The following PCDHGB1 variants were observed in gnomAD, a reference collection of about 807,000 sequenced individuals.
PCDHGB1 encodes protocadherin gamma-B1.
A neutral mutation model predicts 56.6 loss-of-function variants in PCDHGB1; 34 were observed. That is an observed-to-expected ratio of 0.60 (90% confidence interval 0.46 to 0.80). The LOEUF (loss-of-function observed/expected upper bound fraction) is 0.80, where lower values mean the gene tolerates loss of function less well. PCDHGB1 is among the 30% of genes least tolerant of loss of function. The probability of loss-of-function intolerance (pLI) is 0.00; values close to 1 mark genes in which losing one functional copy is unlikely to be tolerated. For synonymous variants in PCDHGB1, 561 were observed against 505.9 expected, an observed-to-expected ratio of 1.11 and a Z score of -1.46; for missense variants, 1,278 against 1,204.6, an observed-to-expected ratio of 1.06 and a Z score of -0.90.
intron 1 of PCDHGB1, chr5:141,388,506 T>C: frequency 6.2e-7 from 1 of 1,613,870 alleles, no homozygotes; most frequent in Non-Finnish European, 8.5e-7. Flanking sequence ...GCAGAAATCC[T>C]ACCACTTGAC....
intron 1 of PCDHGB1, among the ~76,000 whole-genome samples, chr5:141,467,695 T>C (rs1189395935): frequency 6.6e-6 from 1 of 152,142 alleles, no homozygotes; most frequent in Non-Finnish European, 1.5e-5. Flanking sequence ...AGGGTCTGGC[T>C]CTGTTGCCCA....
chr5:141,399,414 C>T, intron 1 of PCDHGB1: 1 of 1,614,034 alleles, frequency 6.2e-7, no homozygotes, highest in East Asian at 2.2e-5. Flanking sequence ...CGCCCCTCTC[C>T]TCCAGCATAA....
intron 1 of PCDHGB1, chr5:141,478,778 C>A: frequency 6.7e-7 from 1 of 1,488,178 alleles, no homozygotes; most frequent in Non-Finnish European, 8.9e-7. Flanking sequence ...ATCTGTGGAC[C>A]TAATTCACAT....
intron 1 of PCDHGB1, among the ~76,000 whole-genome samples, chr5:141,474,266 G>A (rs1420620306): frequency 6.6e-6 from 1 of 152,186 alleles, no homozygotes; most frequent in Non-Finnish European, 1.5e-5. Context: ...ATAAACCAGT[G>A]TATCTCTGAA....
At chr5:141,366,773 G>A (rs1474826624) in intron 1 of PCDHGB1, 3 of 1,595,414 alleles carry the variant, frequency 1.9e-6, no homozygotes, top group Non-Finnish European at 2.6e-6. Context: ...CTTTCGGTAA[G>A]GATGACCAGA....
chr5:141,385,708 A>C (rs1342579594), intron 1 of PCDHGB1: 1 of 259,588 alleles, frequency 3.9e-6, no homozygotes, highest in Non-Finnish European at 6.2e-6. Context: ...TTAGCATTCA[A>C]ATATGTAAAA....
At chr5:141,428,034 T>A (rs768728101) in intron 1 of PCDHGB1, 8 of 1,607,778 alleles carry the variant, frequency 5.0e-6, no homozygotes, top group Middle Eastern at 1.7e-4. Context: ...AGAGTCCGGC[T>A]ACCTGGTGAC....
chr5:141,497,793 G>A (rs2099779480), intron 2 of PCDHGB1, among the ~76,000 whole-genome samples: 1 of 152,180 alleles, frequency 6.6e-6, no homozygotes, highest in Admixed American at 6.5e-5. Flanking sequence ...ACCTGCTTCA[G>A]CTTCCCAAAG....
chr5:141,431,318 G>C lies in PCDHGB1; in HGVS notation c.2410-63489G>C. 1 of 1,614,086 alleles carries C rather than the reference G, an allele frequency of 6.2e-7. No homozygotes were observed. Among genetic ancestry groups the C allele is most frequent in the African/African-American group, 1.3e-5 (1 of 75,050 alleles). On this transcript the variant is annotated intron_variant, in intron 1 of 3. Transcript: ENST00000523390. The surrounding 1 kb of genome is among the most constrained non-coding windows in gnomAD (Gnocchi z 4.8). ...CTCCCTCATCGTGCAAAATGGAGCC[G>C]ACGGTAGTAAGTACCCCGAATTGGT...
intron 1 of PCDHGB1, chr5:141,393,269 T>C (rs1481759237): frequency 1.2e-6 from 2 of 1,613,832 alleles, no homozygotes; most frequent in Non-Finnish European, 1.7e-6. Flanking sequence ...GAGCACGTTA[T>C]CCACTCCCAG....
intron 1 of PCDHGB1, chr5:141,366,176 C>G (rs1764373617): frequency 1.2e-6 from 2 of 1,613,926 alleles, no homozygotes; most frequent in Admixed American, 3.3e-5. Flanking sequence ...CGAGCCAGGA[C>G]TCTTTGCGGT....
At chr5:141,404,408 A>G in intron 1 of PCDHGB1, 1 of 1,613,900 alleles carries the variant, frequency 6.2e-7, no homozygotes, top group Non-Finnish European at 8.5e-7. Flanking sequence ...TGAGAATTCT[A>G]GAGTTATTTA....
Position 141,510,990 on chromosome 5 carries a change from C to T in PCDHGB1, c.2601C>T (p.Thr867=). ...GSSTLGGGAG[T]MGLSARYGPQ... ...CCACCCTGGGAGGGGGTGCCGGCAC[C>T]ATGGGATTGAGCGCCCGCTACGGAC... The change falls in exon 4 of 4, where the codon ACC becomes ACT. Residue 867 remains threonine, a synonymous_variant. Transcript: ENST00000523390. The T allele has an allele frequency of 2.5e-6, 4 of 1,614,166 alleles. No homozygotes were observed. Among genetic ancestry groups the T allele is most frequent in the Non-Finnish European group, 3.4e-6 (4 of 1,180,014 alleles).
intron 1 of PCDHGB1, chr5:141,398,327 G>C (rs1348307728): frequency 7.4e-7 from 1 of 1,353,452 alleles, no homozygotes; most frequent in Non-Finnish European, 1.0e-6. Flanking sequence ...CGAAAACTGC[G>C]CGTCAGTTCG....
chr5:141,381,826 C>CTTCTTTTTTTTT (rs1777532522), intron 1 of PCDHGB1, among the ~76,000 whole-genome samples: 2 of 74,284 alleles, frequency 2.7e-5, no homozygotes, highest in African/African-American at 1.2e-4. Flanking sequence ...CTTTCTTCTT[C>CTTCTTTTTTTTT]TTTTTTTTTT....
chr5:141,431,405 G>A lies in PCDHGB1; in HGVS notation c.2410-63402G>A, dbSNP rs2097369508. Reference sequence around the variant, plus strand: ...TCACCACCTGGTCCTTACGGCCTCCGACGGGGGCGACCCGGTGCGCACAGG... The same window carrying A: ...TCACCACCTGGTCCTTACGGCCTCCAACGGGGGCGACCCGGTGCGCACAGG... On this transcript the variant is annotated intron_variant, in intron 1 of 3. Transcript: ENST00000523390. The surrounding 1 kb of genome is among the most constrained non-coding windows in gnomAD (Gnocchi z 4.8). 1 of 1,613,614 alleles carries A rather than the reference G, an allele frequency of 6.2e-7. No individual in the cohort carries two copies.
In PCDHGB1 at chr5:141,487,765, GC is replaced by G. The variant is rs2099665397; in HGVS notation, c.2410-7041del. The G allele has an allele frequency of 6.5e-7, 1 of 1,541,774 alleles. No individual in the cohort carries two copies. Among genetic ancestry groups the G allele is most frequent in the South Asian group, 1.2e-5 (1 of 83,146 alleles). On this transcript the variant is annotated intron_variant, in intron 1 of 3. Transcript: ENST00000523390. This position sits in a 1 kb window ranked among gnomAD's most constrained non-coding sequence, Gnocchi z 5.0. ...GAGGTAACTATGTGGTAGACGCTGT[GC>G]TTTGTAACTGTTTCGTGAATTAACC...
rs756361613 is a variant in PCDHGB1 at position 141,392,855 on chromosome 5, C to G, written c.2409+40186C>G. 3.1e-6 allele frequency: 5 copies of G among 1,612,176 alleles called. No individual in the cohort carries two copies. The highest frequency in any genetic ancestry group is 3.3e-4 in the Middle Eastern group (2 of 6,050). Reference sequence around the variant, plus strand: ...GTCGCCCCAGACGCGGCGAGCTGATCCTGCTGTGCGCGCTGCTGGGAACGC... The same window carrying G: ...GTCGCCCCAGACGCGGCGAGCTGATGCTGCTGTGCGCGCTGCTGGGAACGC... On this transcript the variant is annotated intron_variant, in intron 1 of 3. Coordinates refer to ENST00000523390, the MANE Select transcript of PCDHGB1 (RefSeq NM_018922.3).
At position 141,403,235 on chromosome 5, in the gene PCDHGB1, C is replaced by T. The variant is rs757212212; in HGVS notation, c.2409+50566C>T. The T allele has an allele frequency of 2.9e-5, 47 of 1,613,842 alleles. No individual in the cohort carries two copies. In the Admixed American group the frequency reaches 7.7e-4, roughly 26 times the overall value. ...CGCGGGTAGGATAGACCGGGAGGAGCTCTGTGCTCAGAGCCCGCGGTGTCT... is the reference window on the plus strand; with the variant it reads ...CGCGGGTAGGATAGACCGGGAGGAGTTCTGTGCTCAGAGCCCGCGGTGTCT... On this transcript the variant is annotated intron_variant, in intron 1 of 3. Transcript: ENST00000523390.
Sources: allele counts gnomAD v4.1 joint callset (sites outside exome capture counted in the v4.1 genomes callset), GRCh38; gene constraint gnomAD v4.1.1; non-coding constraint Gnocchi (gnomAD v3.1); transcripts MANE v1.5; gene names NCBI Gene and HGNC (gene_info 2026-07-23, HGNC 2026-07-21).